The following MYO5A variants were observed in gnomAD, a reference collection of about 807,000 sequenced individuals.
MYO5A encodes myosin VA.
MYO5A carries 98 observed loss-of-function variants against 249.7 expected under a neutral mutation model. That is an observed-to-expected ratio of 0.39 (90% CI 0.33 to 0.46). MYO5A has a LOEUF of 0.46. MYO5A is among the 20% of genes least tolerant of loss of function. The probability of loss-of-function intolerance (pLI) is 0.98; values close to 1 mark genes in which losing one functional copy is unlikely to be tolerated. For missense variants in MYO5A, 1,696 were observed against 2,308.8 expected (o/e 0.73, Z 5.44); for synonymous variants, 778 against 810.6 (o/e 0.96, Z 0.68).
intron 15 of MYO5A, 30 bp downstream of exon 15, chr15:52,384,131 A>G (rs1261227356): frequency 6.2e-7 from 1 of 1,613,612 alleles, no homozygotes. Context: ...GAAAGGAAGG[A>G]GCGTGGCAGC....
chr15:52,363,227 GA>G (rs747432385), intron 24 of MYO5A, among the ~76,000 whole-genome samples: 108 of 152,306 alleles, frequency 7.1e-4, no homozygotes, highest in Middle Eastern at 3.4e-3. Flanking sequence ...TGAAAAAGAA[GA>G]AAAGGATTCA....
At chr15:52,315,474 A>C (rs2037956550) in intron 40 of MYO5A, among the ~76,000 whole-genome samples, 2 of 151,610 alleles carry the variant, frequency 1.3e-5, no homozygotes, top group African/African-American at 2.4e-5. Context: ...TCCCAGGTTC[A>C]AGTCATTCTC....
At chr15:52,389,425 T>A (rs1237662658) in intron 12 of MYO5A, 62 bp from the exon 13 acceptor site, 3 of 1,504,248 alleles carry the variant, frequency 2.0e-6, no homozygotes, top group Non-Finnish European at 2.7e-6. Context: ...CTCTAAAGCA[T>A]CAGCTGTCAA....
At chr15:52,528,651 G>A in intron 1 of MYO5A, 129 bp downstream of exon 1, 1 of 1,105,708 alleles carries the variant, frequency 9.0e-7, no homozygotes, top group Non-Finnish European at 1.2e-6. Flanking sequence ...CGAGGGTTCT[G>A]AGGCGCTGAA....
At chr15:52,405,459 C>T in intron 8 of MYO5A, 66 bp from the exon 9 acceptor site, 1 of 1,187,418 alleles carries the variant, frequency 8.4e-7, no homozygotes, top group East Asian at 2.4e-5. Flanking sequence ...TTACAGCAGA[C>T]AATTTTAAGC....
rs934311053 is a variant in MYO5A at position 52,323,544 on chromosome 15, A to G, written c.4711-100T>C. The G allele has an allele frequency of 1.3e-5, 10 of 773,898 alleles. No individual in the cohort carries two copies. The African/African-American group carries it at 1.6e-4, about 12-fold the overall frequency. 47.9% of individuals were successfully genotyped at this position (773,898 alleles called of 1,614,324 possible). ...AAAAGACCCATTTCTTTCAGTTACCATTATAAACAATTATAAAAATAAATC... is the reference window on the plus strand; with the variant it reads ...AAAAGACCCATTTCTTTCAGTTACCGTTATAAACAATTATAAAAATAAATC... On this transcript the variant is annotated intron_variant, in intron 36 of 41. Coordinates refer to ENST00000399233, the MANE Select transcript of MYO5A (RefSeq NM_001382347.1).
chr15:52,414,333 T>C (rs2043381944), intron 5 of MYO5A, among the ~76,000 whole-genome samples: 1 of 152,160 alleles, frequency 6.6e-6, no homozygotes, highest in South Asian at 2.1e-4. Context: ...TCTCTTTCTT[T>C]ATAAATTACC....
chr15:52,350,195 G>A (rs150920175), intron 28 of MYO5A, among the ~76,000 whole-genome samples: 8 of 152,166 alleles, frequency 5.3e-5, no homozygotes, highest in Non-Finnish European at 1.0e-4. Context: ...GCCTCCCAAA[G>A]TGTTGAGATT....
chr15:52,452,485 CAA>C (rs2076039076), intron 1 of MYO5A, among the ~76,000 whole-genome samples: 1 of 152,120 alleles, frequency 6.6e-6, no homozygotes, highest in Admixed American at 6.5e-5. Context: ...CAGCCAGAAA[CAA>C]AGAGAGGATA....
chr15:52,381,187 C>CG (rs1596377270), intron 16 of MYO5A, among the ~76,000 whole-genome samples: 2 of 139,762 alleles, frequency 1.4e-5, no homozygotes, highest in East Asian at 4.3e-4. Context: ...TCTCAGGTGT[C>CG]TGTTGGTGGT....
chr15:52,517,704 T>C (rs2077522869), intron 1 of MYO5A, among the ~76,000 whole-genome samples: 1 of 152,122 alleles, frequency 6.6e-6, no homozygotes, highest in Non-Finnish European at 1.5e-5. Context: ...AGAGCGAAAC[T>C]CCGTCTCAAA....
chr15:52,314,368 C>A (rs964865057), intron 40 of MYO5A, among the ~76,000 whole-genome samples, 165 bp from the exon 41 acceptor site: 1 of 152,186 alleles, frequency 6.6e-6, no homozygotes, highest in Non-Finnish European at 1.5e-5. Context: ...TTACCTTTAT[C>A]TGAATTTTTA....
At chr15:52,487,181 C>G (rs2076839458) in intron 1 of MYO5A, among the ~76,000 whole-genome samples, 1 of 152,104 alleles carries the variant, frequency 6.6e-6, no homozygotes, top group Non-Finnish European at 1.5e-5. Flanking sequence ...TCTGGGAGGC[C>G]AGGGTGGGAG....
Position 52,519,320 on chromosome 15 carries a change from G to C in MYO5A, c.27+9460C>G, listed in dbSNP as rs528605526. The stretch of plus-strand genomic sequence containing the variant: ...ATAGGGTTCATAGCCCCCAAATTAA[G>C]ACTGAATAATGGCCGGGCATGGTAG... On this transcript the variant is annotated intron_variant, in intron 1 of 41. Coordinates refer to ENST00000399233, the MANE Select transcript of MYO5A (RefSeq NM_001382347.1). Among the ~76,000 whole-genome samples the C allele has an allele frequency of 6.6e-5, 10 of 152,280 alleles. No homozygotes were observed. In the South Asian group the frequency reaches 1.7e-3, roughly 25 times the overall value.
chr15:52,366,847 C>T (rs2141071708), intron 23 of MYO5A, among the ~76,000 whole-genome samples, 184 bp downstream of exon 23: 1 of 152,262 alleles, frequency 6.6e-6, no homozygotes, highest in Admixed American at 6.5e-5. Flanking sequence ...GTTTATCAAG[C>T]AACGAATTCA....
At chr15:52,425,503 G>C (rs2075375240) in intron 4 of MYO5A, among the ~76,000 whole-genome samples, 1 of 152,118 alleles carries the variant, frequency 6.6e-6, no homozygotes, top group Non-Finnish European at 1.5e-5. Context: ...GGGATTACAA[G>C]TGCGTGCCTC....
At chr15:52,374,699 G>C (rs1357615348) in intron 20 of MYO5A, among the ~76,000 whole-genome samples, 2 of 152,224 alleles carry the variant, frequency 1.3e-5, no homozygotes, top group Non-Finnish European at 2.9e-5. Flanking sequence ...AGCTGCAAGA[G>C]GCAAGGAATG....
At chr15:52,514,084 T>C (rs1391867095) in intron 1 of MYO5A, among the ~76,000 whole-genome samples, 1 of 152,234 alleles carries the variant, frequency 6.6e-6, no homozygotes, top group Non-Finnish European at 1.5e-5. Context: ...ATTTGAATGA[T>C]CTGATTCGTT....
At chr15:52,469,311 A>G (rs1432027895) in intron 1 of MYO5A, among the ~76,000 whole-genome samples, 1 of 152,242 alleles carries the variant, frequency 6.6e-6, no homozygotes, top group Non-Finnish European at 1.5e-5. Flanking sequence ...ACAGTTGATT[A>G]ACACATATTC....
Sources: gnomAD v4.1 joint callset for allele counts (sites outside exome capture counted in the v4.1 genomes callset) on GRCh38, gnomAD v4.1.1 for gene constraint, MANE v1.5 for transcripts, NCBI Gene and HGNC (gene_info 2026-07-23, HGNC 2026-07-21) for gene names.